LCORL: variants seen among roughly 807,000 people sequenced by gnomAD.
The protein encoded by LCORL is ligand-dependent nuclear receptor corepressor-like protein.
A neutral mutation model predicts 141.8 loss-of-function variants in LCORL; 41 were observed. That is an observed-to-expected ratio of 0.29 (90% CI 0.23 to 0.38). The LOEUF (loss-of-function observed/expected upper bound fraction) is 0.38, where lower values mean the gene tolerates loss of function less well. Ranked by LOEUF, LCORL falls within the 10% of genes least tolerant of loss-of-function variation. The probability of loss-of-function intolerance (pLI) is 1.00; values close to 1 mark genes in which losing one functional copy is unlikely to be tolerated. For missense variants in LCORL, 1,759 were observed against 2,035.0 expected (o/e 0.86, Z 2.61); for synonymous variants, 618 against 694.1 (o/e 0.89, Z 1.72).
intron 1 of LCORL, among the ~76,000 whole-genome samples, chr4:18,000,603 A>G (rs879284218): frequency 2.1e-5 from 3 of 143,248 alleles, no homozygotes; most frequent in East Asian, 3.9e-4. Context: ...TGAACGAACT[A>G]TATCTACAGG....
At chr4:17,966,586 A>G (rs1277855402) in intron 2 of LCORL, among the ~76,000 whole-genome samples, 6 of 152,146 alleles carry the variant, frequency 3.9e-5, no homozygotes, top group African/African-American at 1.2e-4. Context: ...CAGGGGAAAT[A>G]TGTCTTCACT....
chr4:17,961,239 A>T (rs1338904909), intron 4 of LCORL, among the ~76,000 whole-genome samples: 1 of 152,116 alleles, frequency 6.6e-6, no homozygotes, highest in Middle Eastern at 3.2e-3. Context: ...TACTGTGGGA[A>T]CAGCCAAGAA....
intron 4 of LCORL, among the ~76,000 whole-genome samples, chr4:17,927,623 G>A (rs987039755): frequency 2.0e-5 from 3 of 152,072 alleles, no homozygotes; most frequent in African/African-American, 7.2e-5. Flanking sequence ...GTTATTAACA[G>A]GCCTAACTTC....
chr4:17,897,895 C>T (rs199748937), intron 5 of LCORL, among the ~76,000 whole-genome samples: 136 of 152,266 alleles, frequency 8.9e-4, no homozygotes, highest in African/African-American at 3.2e-3. Context: ...TGTTTAGAGA[C>T]CACACTCCAG....
intron 4 of LCORL, among the ~76,000 whole-genome samples, chr4:17,954,306 T>C (rs977539435): frequency 1.3e-5 from 2 of 152,074 alleles, no homozygotes; most frequent in Non-Finnish European, 2.9e-5. Context: ...TGTGCACTGG[T>C]AGAAACAGGA....
intron 2 of LCORL, among the ~76,000 whole-genome samples, chr4:17,968,071 C>A (rs773436415): frequency 1.3e-5 from 2 of 151,860 alleles, no homozygotes; most frequent in East Asian, 1.9e-4. Context: ...TTGGCCAGGC[C>A]GGTTTCAAGC....
At chr4:18,000,102 T>C (rs183929748) in intron 1 of LCORL, among the ~76,000 whole-genome samples, 164 of 149,644 alleles carry the variant, frequency 1.1e-3, no homozygotes, top group Non-Finnish European at 2.0e-3. Flanking sequence ...AGTTTATTAC[T>C]CAATTTCCAT....
At chr4:17,922,860 G>C (rs1734513625) in intron 4 of LCORL, among the ~76,000 whole-genome samples, 1 of 152,176 alleles carries the variant, frequency 6.6e-6, no homozygotes, top group Admixed American at 6.5e-5. Flanking sequence ...CCCACTCCCA[G>C]TGGTGTCAAC....
intron 7 of LCORL, among the ~76,000 whole-genome samples, chr4:17,854,121 C>T (rs1560253793): frequency 6.6e-6 from 1 of 152,032 alleles, no homozygotes; most frequent in Non-Finnish European, 1.5e-5. Context: ...TGTTGGTAAG[C>T]TGGGGCAGAA....
chr4:17,843,707 C>CT (rs746631602), exon 8 of LCORL: 12 of 210,482 alleles, frequency 5.7e-5, no homozygotes, highest in South Asian at 4.8e-4. Flanking sequence ...CTTATGAACT[C>CT]TTTATGTTTA....
intron 1 of LCORL, among the ~76,000 whole-genome samples, chr4:17,987,615 G>A (rs1719216903): frequency 6.6e-6 from 1 of 152,036 alleles, no homozygotes; most frequent in Non-Finnish European, 1.5e-5. Context: ...AAAAAAAACT[G>A]ACAAACTGCT....
At chr4:17,847,455 A>T (rs1211742805) in intron 7 of LCORL, among the ~76,000 whole-genome samples, 2 of 152,178 alleles carry the variant, frequency 1.3e-5, no homozygotes, top group Non-Finnish European at 2.9e-5. Context: ...ATCTAACTGC[A>T]TTCTCCCCAA....
intron 4 of LCORL, among the ~76,000 whole-genome samples, chr4:17,931,996 T>C (rs1339773211): frequency 6.6e-6 from 1 of 152,168 alleles, no homozygotes; most frequent in African/African-American, 2.4e-5. Flanking sequence ...AAATGTTACA[T>C]CCACACACAT....
chr4:17,860,187 CA>C (rs1724838799), intron 7 of LCORL, among the ~76,000 whole-genome samples: 3 of 152,184 alleles, frequency 2.0e-5, no homozygotes, highest in Admixed American at 6.5e-5. Context: ...CTGGAGGCAT[CA>C]CATTACCTGA....
intron 4 of LCORL, among the ~76,000 whole-genome samples, chr4:17,943,178 T>A (rs1738253194): frequency 6.6e-6 from 1 of 152,158 alleles, no homozygotes; most frequent in Non-Finnish European, 1.5e-5. Flanking sequence ...CAAGAGCTCA[T>A]ATATTATTCT....
chr4:17,844,419 T>TTTAC (rs1454564261), exon 8 of LCORL: 2 of 152,406 alleles, frequency 1.3e-5, no homozygotes, highest in Admixed American at 6.6e-5. Flanking sequence ...CTAGAGGCCA[T>TTTAC]TTACTTAAGG....
At chr4:17,938,346 T>G (rs1048665118) in intron 4 of LCORL, among the ~76,000 whole-genome samples, 2 of 151,716 alleles carry the variant, frequency 1.3e-5, no homozygotes, top group African/African-American at 4.8e-5. Flanking sequence ...TACCTTGATG[T>G]TACAAATTAA....
intron 4 of LCORL, among the ~76,000 whole-genome samples, chr4:17,939,754 G>T (rs890980402): frequency 9.2e-5 from 14 of 151,910 alleles, no homozygotes. Context: ...ATATATATGT[G>T]AAGGTGTCTA....
At chr4:17,962,878 G>A in intron 3 of LCORL, 92 bp downstream of exon 3, 3 of 579,376 alleles carry the variant, frequency 5.2e-6, no homozygotes, top group Non-Finnish European at 8.5e-6. Context: ...TCCACTGTGA[G>A]TCACAAATTT....
Sources: gnomAD v4.1 joint callset for allele counts (sites outside exome capture counted in the v4.1 genomes callset) on GRCh38, gnomAD v4.1.1 for gene constraint, MANE v1.5 for transcripts, NCBI Gene and HGNC (gene_info 2026-07-23, HGNC 2026-07-21) for gene names.